The following MECOM variants were observed in gnomAD, a reference collection of about 807,000 sequenced individuals.
The protein encoded by MECOM is MDS1 and EVI1 complex locus.
A neutral mutation model predicts 116.3 loss-of-function variants in MECOM; 13 were observed. The ratio of observed to expected loss-of-function variants is 0.11; its 90% CI spans 0.07 to 0.18. The LOEUF (loss-of-function observed/expected upper bound fraction) is 0.18. Ranked by LOEUF, MECOM falls within the 10% of genes least tolerant of loss-of-function variation. The pLI, the probability that MECOM is intolerant of heterozygous loss-of-function variation, is 1.00. For missense variants in MECOM, 1,299 were observed against 1,509.0 expected, an observed-to-expected ratio of 0.86 and a Z score of 2.31; for synonymous variants, 528 against 535.2, an observed-to-expected ratio of 0.99 and a Z score of 0.19.
At chr3:169,375,625 C>T (rs1730888363) in intron 2 of MECOM, among the ~76,000 whole-genome samples, 1 of 152,076 alleles carries the variant, frequency 6.6e-6, no homozygotes, top group Admixed American at 6.6e-5. Flanking sequence ...AAAGGCTAAA[C>T]CAGGAAGAAG....
rs115905181 is a variant in MECOM at position 169,213,033 on chromosome 3, A to G, written c.376-69201T>C. Among the ~76,000 whole-genome samples the G allele has an allele frequency of 2.8e-3, 419 of 151,596 alleles. 3 individuals carry two copies. Among genetic ancestry groups the G allele is most frequent in the African/African-American group, 7.2e-3 (296 of 41,362 alleles). Reference sequence around the variant, plus strand: ...ATGTCTGTCAAAATGTCACTTGATTACTGTCACATTACCCCCACTTTGTTA... The same window carrying G: ...ATGTCTGTCAAAATGTCACTTGATTGCTGTCACATTACCCCCACTTTGTTA... On this transcript the variant is annotated intron_variant, in intron 2 of 16. Coordinates refer to ENST00000651503, the MANE Select transcript of MECOM (RefSeq NM_004991.4).
intron 1 of MECOM, among the ~76,000 whole-genome samples, chr3:169,416,553 C>A (rs1039028498): frequency 1.4e-5 from 2 of 148,116 alleles, no homozygotes; most frequent in East Asian, 2.0e-4. Context: ...AATAGAGACA[C>A]AAAAAAACTC....
intron 7 of MECOM, among the ~76,000 whole-genome samples, chr3:169,119,840 G>A (rs1320461552): frequency 2.0e-5 from 3 of 152,132 alleles, no homozygotes; most frequent in Non-Finnish European, 4.4e-5. Context: ...GGAGATGAGA[G>A]CACCCTTTTT....
At chr3:169,596,717 AAAAG>A (rs1358303461) in intron 1 of MECOM, among the ~76,000 whole-genome samples, 2 of 152,192 alleles carry the variant, frequency 1.3e-5, no homozygotes, top group East Asian at 1.9e-4. Context: ...AACTAAAAAA[AAAAG>A]ACTGTTCCAT....
At chr3:169,349,073 C>T (rs1336900592) in intron 2 of MECOM, among the ~76,000 whole-genome samples, 1 of 151,014 alleles carries the variant, frequency 6.6e-6, no homozygotes, top group Non-Finnish European at 1.5e-5. Flanking sequence ...TCTCATCCTC[C>T]CCTTTCCCCC....
chr3:169,247,101 G>A (rs948599845), intron 2 of MECOM, among the ~76,000 whole-genome samples: 3 of 151,874 alleles, frequency 2.0e-5, no homozygotes, highest in African/African-American at 7.3e-5. Context: ...AATTACAACC[G>A]TATCTTTATT....
chr3:169,133,986 A>G, intron 3 of MECOM: 1 of 1,287,208 alleles, frequency 7.8e-7, no homozygotes, highest in Non-Finnish European at 1.0e-6. Flanking sequence ...TTGAATTGTG[A>G]CATATTAGAA....
chr3:169,118,207 G>A (rs1729789663), intron 7 of MECOM, among the ~76,000 whole-genome samples: 1 of 152,122 alleles, frequency 6.6e-6, no homozygotes, highest in East Asian at 1.9e-4. Flanking sequence ...TACCAAGTAA[G>A]GGTATATCTC....
At chr3:169,388,660 A>G (rs1733763447) in intron 1 of MECOM, among the ~76,000 whole-genome samples, 1 of 152,164 alleles carries the variant, frequency 6.6e-6, no homozygotes, top group Admixed American at 6.6e-5. Flanking sequence ...AGTCTTTAGC[A>G]TGTCCTGCTC....
chr3:169,555,970 A>G (rs1761981949), intron 1 of MECOM, among the ~76,000 whole-genome samples: 1 of 152,210 alleles, frequency 6.6e-6, no homozygotes, highest in South Asian at 2.1e-4. Flanking sequence ...TCTAAACCTT[A>G]TGTACTTTTT....
At chr3:169,360,631 A>G (rs1016861416) in intron 2 of MECOM, among the ~76,000 whole-genome samples, 40 of 151,972 alleles carry the variant, frequency 2.6e-4, no homozygotes, top group African/African-American at 9.6e-4. Context: ...TATTATTCTC[A>G]GTGACTCACA....
At chr3:169,634,617 A>C (rs1772495574) in intron 1 of MECOM, among the ~76,000 whole-genome samples, 1 of 152,160 alleles carries the variant, frequency 6.6e-6, no homozygotes. Flanking sequence ...CACCAGAATC[A>C]CAAGGCATCC....
rs1758969072 is a variant in MECOM, at chr3:169,533,714, A to G, written c.37+129622T>C. Among the ~76,000 whole-genome samples, 7 of 151,994 alleles carry G rather than the reference A, an allele frequency of 4.6e-5. No individual in the cohort carries two copies. In the South Asian group the frequency reaches 1.5e-3, roughly 32 times the overall value. On this transcript the variant is annotated intron_variant, in intron 1 of 16. Transcript: ENST00000651503. ...AAATGCAGGCTGGGTTAAGTTCCTC[A>G]CAGAGGTTTTTGAATTCTGCCTGTG...
chr3:169,463,251 A>G (rs1288358507), intron 1 of MECOM, among the ~76,000 whole-genome samples: 3 of 152,218 alleles, frequency 2.0e-5, no homozygotes, highest in East Asian at 1.9e-4. Flanking sequence ...AGAGATTCCT[A>G]TATGGCATCA....
chr3:169,616,289 A>C lies in MECOM; in HGVS notation c.37+47047T>G, dbSNP rs970747536. On this transcript the variant is annotated intron_variant, in intron 1 of 16. Coordinates refer to ENST00000651503, the MANE Select transcript of MECOM (RefSeq NM_004991.4). Reference sequence around the variant, plus strand: ...TCTCACGAAGTTTGGGGAAGAAAAGAGGGGGCTCAGAAAAAGAAATGTATT... The same window carrying C: ...TCTCACGAAGTTTGGGGAAGAAAAGCGGGGGCTCAGAAAAAGAAATGTATT... Among the ~76,000 whole-genome samples, 6 of 152,148 alleles carry C rather than the reference A, an allele frequency of 3.9e-5. No individual in the cohort carries two copies. In the East Asian group the frequency reaches 1.2e-3, roughly 29 times the overall value.
intron 2 of MECOM, chr3:169,147,404 C>T (rs1012386538): frequency 5.1e-6 from 5 of 985,370 alleles, no homozygotes; most frequent in Non-Finnish European, 6.0e-6. Flanking sequence ...AGAGGATCTG[C>T]TCGGCCATCC....
At chr3:169,158,250 G>C (rs183015428) in intron 2 of MECOM, among the ~76,000 whole-genome samples, 1 of 152,086 alleles carries the variant, frequency 6.6e-6, no homozygotes, top group Non-Finnish European at 1.5e-5. Flanking sequence ...TAATCTCCTT[G>C]GTAATCAGTG....
chr3:169,085,770 G>T (rs893074225), intron 16 of MECOM, among the ~76,000 whole-genome samples: 1 of 152,168 alleles, frequency 6.6e-6, no homozygotes, highest in Non-Finnish European at 1.5e-5. Flanking sequence ...TGCTCTGTGA[G>T]GAAGTACTCT....
intron 2 of MECOM, among the ~76,000 whole-genome samples, chr3:169,152,235 AT>A (rs995530601): frequency 6.6e-6 from 1 of 151,772 alleles, no homozygotes; most frequent in Non-Finnish European, 1.5e-5. Flanking sequence ...GCCTTTTTTT[AT>A]TTTTTTTAAA....
Sources: allele counts gnomAD v4.1 joint callset (sites outside exome capture counted in the v4.1 genomes callset), GRCh38; gene constraint gnomAD v4.1.1; transcripts MANE v1.5; gene names NCBI Gene and HGNC (gene_info 2026-07-23, HGNC 2026-07-21).